Variants in THRB observed in about 807,000 individuals in gnomAD.
The protein encoded by THRB is nuclear receptor subfamily 1 group A member 2.
THRB carries 12 observed loss-of-function variants against 47.8 expected under a neutral mutation model. The observed-to-expected ratio is 0.25, with a 90% CI of 0.16 to 0.41. The LOEUF (loss-of-function observed/expected upper bound fraction) is 0.41. THRB is among the 10% of genes least tolerant of loss of function. THRB has a pLI of 1.00. For missense variants in THRB, 348 were observed against 589.2 expected (o/e 0.59, Z 4.24); for synonymous variants, 218 against 212.2 (o/e 1.03, Z -0.24).
intron 2 of THRB, among the ~76,000 whole-genome samples, chr3:24,334,495 A>G (rs2062115015): frequency 6.6e-6 from 1 of 152,256 alleles, no homozygotes; most frequent in South Asian, 2.1e-4. Context: ...ATTACTGAAC[A>G]ACATAAAATC....
chr3:24,418,279 G>C (rs1489804223), intron 1 of THRB, among the ~76,000 whole-genome samples: 1 of 148,308 alleles, frequency 6.7e-6, no homozygotes, highest in Non-Finnish European at 1.5e-5. Context: ...CTGTAACCTT[G>C]CCTAGTGTTA....
chr3:24,279,640 C>T (rs1268391824), intron 3 of THRB, among the ~76,000 whole-genome samples: 1 of 151,480 alleles, frequency 6.6e-6, no homozygotes, highest in African/African-American at 2.4e-5. Context: ...CGTGATCCAC[C>T]TGACTCGGCC....
At chr3:24,222,406 T>G (rs2047239530) in intron 4 of THRB, among the ~76,000 whole-genome samples, 1 of 151,586 alleles carries the variant, frequency 6.6e-6, no homozygotes, top group Non-Finnish European at 1.5e-5. Flanking sequence ...GTCTTGAAGG[T>G]GGAGGTAGTA....
chr3:24,483,941 G>A (rs771735839), intron 1 of THRB: 50 of 152,200 alleles, frequency 3.3e-4, no homozygotes, highest in African/African-American at 1.2e-3. Context: ...TGTGAGCAAA[G>A]TGATTATGTG....
intron 1 of THRB, among the ~76,000 whole-genome samples, chr3:24,370,422 T>C (rs929479218): frequency 1.3e-5 from 2 of 151,928 alleles, no homozygotes; most frequent in African/African-American, 4.8e-5. Context: ...TGGTATTGTG[T>C]CAAGATGATC....
intron 9 of THRB, among the ~76,000 whole-genome samples, chr3:24,128,923 A>AATAAT (rs1185454198): frequency 6.9e-6 from 1 of 144,510 alleles, no homozygotes; most frequent in East Asian, 2.1e-4. Flanking sequence ...ATAAACAACA[A>AATAAT]ATATGTGAGT....
At chr3:24,487,361 C>A (rs1328564634) in intron 1 of THRB, among the ~76,000 whole-genome samples, 1 of 152,048 alleles carries the variant, frequency 6.6e-6, no homozygotes, top group African/African-American at 2.4e-5. Flanking sequence ...CACACACACA[C>A]ACACACACAA....
chr3:24,180,306 C>CAAGTCATAGAA (rs1182505908), intron 5 of THRB, among the ~76,000 whole-genome samples: 1 of 152,134 alleles, frequency 6.6e-6, no homozygotes. Flanking sequence ...GTACAATCTG[C>CAAGTCATAGAA]AAGTCATAGA....
At chr3:24,163,362 T>A (rs2039171163) in intron 5 of THRB, among the ~76,000 whole-genome samples, 1 of 152,152 alleles carries the variant, frequency 6.6e-6, no homozygotes. Flanking sequence ...AGTTCATGCA[T>A]CAAATTAATT....
At chr3:24,126,981 C>G (rs1455316191) in intron 10 of THRB, among the ~76,000 whole-genome samples, 1 of 152,186 alleles carries the variant, frequency 6.6e-6, no homozygotes, top group South Asian at 2.1e-4. Context: ...AGGCCTGAAC[C>G]AGTGTTTGAT....
chr3:24,331,667 C>T (rs1386328149), intron 2 of THRB, among the ~76,000 whole-genome samples: 1 of 136,744 alleles, frequency 7.3e-6, no homozygotes, highest in Non-Finnish European at 1.5e-5. Context: ...TACATACACA[C>T]ACCTCCGTGT....
chr3:24,325,990 A>T (rs1356787509), intron 2 of THRB, among the ~76,000 whole-genome samples: 1 of 152,084 alleles, frequency 6.6e-6, no homozygotes, highest in African/African-American at 2.4e-5. Context: ...TCTTTAATTA[A>T]AGTCAAATTC....
At chr3:24,313,633 T>C (rs1472259684) in intron 2 of THRB, among the ~76,000 whole-genome samples, 1 of 152,230 alleles carries the variant, frequency 6.6e-6, no homozygotes, top group Non-Finnish European at 1.5e-5. Context: ...GTTACTTTTC[T>C]TCCCCATTAT....
chr3:24,315,784 G>A (rs908940866), intron 2 of THRB, among the ~76,000 whole-genome samples: 4 of 152,098 alleles, frequency 2.6e-5, no homozygotes, highest in Non-Finnish European at 4.4e-5. Flanking sequence ...AATAATAATT[G>A]CAGGGAGAAG....
Position 24,133,695 on chromosome 3 carries a change from A to AAGAGAGAGAGAG in THRB, c.739-245_739-234dup, listed in dbSNP as rs10652016. On this transcript the variant is annotated intron_variant, in intron 8 of 10. Coordinates refer to ENST00000646209, the MANE Select transcript of THRB (RefSeq NM_001354712.2). Reference sequence around the variant, plus strand: ...ATGTTTACAGGACTGTTGCTGCAGAAAGAGAGAGAGAGAGAGAGAGAGAGA... The same window carrying AAGAGAGAGAGAG: ...ATGTTTACAGGACTGTTGCTGCAGAAAGAGAGAGAGAGAGAGAGAGAGAGAGAGAGAGAGAGA... 7.6e-4 allele frequency among the ~76,000 whole-genome samples: 115 copies of AAGAGAGAGAGAG among 150,364 alleles called. No homozygotes were observed. The East Asian group carries it at 0.01, about 14-fold the overall frequency.
chr3:24,345,247 A>T (rs2062938696), intron 1 of THRB, among the ~76,000 whole-genome samples: 1 of 152,176 alleles, frequency 6.6e-6, no homozygotes. Flanking sequence ...AGGTAGAATT[A>T]GATTATTGTC....
At chr3:24,442,567 G>A (rs1432843322) in intron 1 of THRB, among the ~76,000 whole-genome samples, 1 of 152,122 alleles carries the variant, frequency 6.6e-6, no homozygotes, top group Non-Finnish European at 1.5e-5. Flanking sequence ...GCTCACGCCT[G>A]TAATCCCAGC....
At chr3:24,473,895 G>A (rs1162860975) in intron 1 of THRB, among the ~76,000 whole-genome samples, 1 of 152,056 alleles carries the variant, frequency 6.6e-6, no homozygotes, top group Non-Finnish European at 1.5e-5. Context: ...ACTCATAAGT[G>A]GGAACAAAGA....
intron 1 of THRB, among the ~76,000 whole-genome samples, chr3:24,397,570 T>G (rs1174952712): frequency 1.3e-5 from 2 of 151,344 alleles, no homozygotes; most frequent in East Asian, 3.9e-4. Flanking sequence ...GGCCCCTGCA[T>G]GAATGCACAT....
Sources: gnomAD v4.1 joint callset for allele counts (sites outside exome capture counted in the v4.1 genomes callset) on GRCh38, gnomAD v4.1.1 for gene constraint, MANE v1.5 for transcripts, NCBI Gene and HGNC (gene_info 2026-07-23, HGNC 2026-07-21) for gene names.